The following TMEM132B variants were observed in gnomAD, a reference collection of about 807,000 sequenced individuals.
TMEM132B encodes transmembrane protein 132B.
In TMEM132B, 18 loss-of-function variants were observed where a neutral mutation model predicts 90.8. That is an observed-to-expected ratio of 0.20 (90% CI 0.14 to 0.29). The LOEUF (loss-of-function observed/expected upper bound fraction) is 0.29, where lower values mean the gene tolerates loss of function less well. Among genes scored for constraint, TMEM132B ranks in the 10% least tolerant of loss-of-function variants. TMEM132B has a pLI of 1.00. For missense variants in TMEM132B, 1,096 were observed against 1,326.8 expected, an observed-to-expected ratio of 0.83 and a Z score of 2.70; for synonymous variants, 504 against 523.3, an observed-to-expected ratio of 0.96 and a Z score of 0.50.
chr12:125,376,808 A>C (rs1242433190), intron 2 of TMEM132B, among the ~76,000 whole-genome samples: 1 of 152,232 alleles, frequency 6.6e-6, no homozygotes, highest in African/African-American at 2.4e-5. Context: ...CATGGCACAG[A>C]CTTTGGCACC....
intron 4 of TMEM132B, among the ~76,000 whole-genome samples, chr12:125,576,583 G>T (rs532226896): frequency 9.9e-5 from 15 of 150,960 alleles, no homozygotes; most frequent in Non-Finnish European, 1.6e-4. Flanking sequence ...TTACCACTGT[G>T]ATATTAGCTG....
intron 5 of TMEM132B, among the ~76,000 whole-genome samples, chr12:125,643,020 C>A (rs1886669385): frequency 6.6e-6 from 1 of 152,154 alleles, no homozygotes; most frequent in Non-Finnish European, 1.5e-5. Context: ...GAAGTGGGCA[C>A]TTCTGACATT....
At chr12:125,335,720 C>T (rs1212960881) in intron 1 of TMEM132B, among the ~76,000 whole-genome samples, 2 of 152,164 alleles carry the variant, frequency 1.3e-5, no homozygotes, top group South Asian at 2.1e-4. Context: ...GGCATGGTGG[C>T]TCATGCCTGT....
At chr12:125,544,054 A>G (rs914182842) in intron 4 of TMEM132B, among the ~76,000 whole-genome samples, 1 of 152,234 alleles carries the variant, frequency 6.6e-6, no homozygotes, top group Non-Finnish European at 1.5e-5. Context: ...TTGCAGGGAC[A>G]TGGATGAAGC....
At chr12:125,578,711 G>T (rs182797744) in intron 4 of TMEM132B, among the ~76,000 whole-genome samples, 4 of 152,064 alleles carry the variant, frequency 2.6e-5, no homozygotes, top group Non-Finnish European at 4.4e-5. Context: ...AGGTTTTCTG[G>T]ATATAAAATT....
In TMEM132B at chr12:125,566,985, A is replaced by T. The variant is rs536370714; in HGVS notation, c.1294-16866A>T. Among the ~76,000 whole-genome samples, 3 of 151,828 alleles carry T rather than the reference A, an allele frequency of 2.0e-5. No individual in the cohort carries two copies. The South Asian group carries it at 6.2e-4, about 32-fold the overall frequency. On this transcript the variant is annotated intron_variant, in intron 4 of 8. Coordinates refer to ENST00000682704, the MANE Select transcript of TMEM132B (RefSeq NM_001366854.1). ...CAGCCTCCAGAATAGCTGGGATTAC[A>T]GGTGCCCACCACCACACCGGCTAAT...
intron 3 of TMEM132B, among the ~76,000 whole-genome samples, chr12:125,464,041 C>A (rs1354285417): frequency 6.6e-6 from 1 of 152,178 alleles, no homozygotes; most frequent in African/African-American, 2.4e-5. Flanking sequence ...CCCCATGATT[C>A]AGTCCCCCCT....
chr12:125,281,412 G>A (rs1875170449), intron 1 of TMEM132B, among the ~76,000 whole-genome samples: 1 of 152,174 alleles, frequency 6.6e-6, no homozygotes, highest in East Asian at 1.9e-4. Flanking sequence ...AAAGTGGGAA[G>A]GAGGCCACAG....
chr12:125,659,461 A>T lies in TMEM132B; in HGVS notation c.*4751A>T, dbSNP rs1167466899. The T allele has an allele frequency of 6.6e-6, 1 of 152,286 alleles. No individual in the cohort carries two copies. The highest frequency in any genetic ancestry group is 1.5e-5 in the Non-Finnish European group (1 of 68,154). 9.4% of individuals were successfully genotyped at this position (152,286 alleles called of 1,614,324 possible). ...GCTTTGTACTGGGCCCAGGGTGCTG[A>T]GCTTTCCAGAACAGGCAGAGCTCTA... On this transcript the variant is annotated 3_prime_UTR_variant, in exon 9 of 9. Transcript: ENST00000682704.
At chr12:125,615,304 T>A (rs56848076) in intron 5 of TMEM132B, among the ~76,000 whole-genome samples, 10,049 of 152,094 alleles carry the variant, frequency 0.066, 395 homozygotes, top group East Asian at 0.15. Context: ...CATCATTCCT[T>A]TATAGATATA....
intron 4 of TMEM132B, among the ~76,000 whole-genome samples, chr12:125,520,343 C>T (rs1358403407): frequency 6.6e-6 from 1 of 152,234 alleles, no homozygotes; most frequent in African/African-American, 2.4e-5. Flanking sequence ...CCATTTTCTG[C>T]ACTGCCTTGA....
At chr12:125,397,345 T>C (rs941488554) in intron 2 of TMEM132B, among the ~76,000 whole-genome samples, 2 of 152,212 alleles carry the variant, frequency 1.3e-5, no homozygotes, top group Non-Finnish European at 2.9e-5. Context: ...TAGCAGATAC[T>C]TGGCAAATAG....
intron 2 of TMEM132B, among the ~76,000 whole-genome samples, chr12:125,375,479 G>T (rs1878447424): frequency 6.6e-6 from 1 of 152,216 alleles, no homozygotes; most frequent in Non-Finnish European, 1.5e-5. Context: ...TCATGGAGTG[G>T]AGGAACACCC....
chr12:125,611,327 C>A (rs12318848), intron 5 of TMEM132B, among the ~76,000 whole-genome samples: 24,966 of 151,490 alleles, frequency 0.16, 2,346 homozygotes, highest in African/African-American at 0.22. Context: ...AAAGGTGTAT[C>A]AATTTTGTTG....
intron 3 of TMEM132B, among the ~76,000 whole-genome samples, chr12:125,515,841 C>T (rs1011450157): frequency 2.6e-5 from 4 of 151,984 alleles, no homozygotes; most frequent in Non-Finnish European, 5.9e-5. Flanking sequence ...CTGTCACACA[C>T]ACACCTCCAC....
intron 1 of TMEM132B, among the ~76,000 whole-genome samples, chr12:125,303,491 G>C (rs1875884053): frequency 6.6e-6 from 1 of 152,054 alleles, no homozygotes; most frequent in African/African-American, 2.4e-5. Context: ...AGATCTTTAG[G>C]GTCTATAGCT....
At chr12:125,243,042 C>T (rs976942969) in intron 1 of TMEM132B, among the ~76,000 whole-genome samples, 8 of 124,136 alleles carry the variant, frequency 6.4e-5, no homozygotes, top group African/African-American at 1.2e-4. Flanking sequence ...TACACACACA[C>T]ACACACACAC....
intron 1 of TMEM132B, among the ~76,000 whole-genome samples, chr12:125,298,969 G>A (rs978841897): frequency 6.6e-6 from 1 of 151,898 alleles, no homozygotes; most frequent in Non-Finnish European, 1.5e-5. Context: ...TCCTGACCTC[G>A]TGATCTGCCT....
rs911855470 is a variant in TMEM132B, at chr12:125,277,713, A to C, written c.68-71739A>C. 6.6e-5 allele frequency among the ~76,000 whole-genome samples: 10 copies of C among 152,294 alleles called. No individual in the cohort carries two copies. In the South Asian group the frequency reaches 2.1e-3, roughly 32 times the overall value. On this transcript the variant is annotated intron_variant, in intron 1 of 8. Transcript: ENST00000682704. The surrounding 1 kb of genome is among the most constrained non-coding windows in gnomAD (Gnocchi z 4.3). ...CCTTGGTCTTGGACCTCTGGCCCCC[A>C]GGACTATGAGAGAATAAATTTCTGT...
Sources: gnomAD v4.1 joint callset for allele counts (sites outside exome capture counted in the v4.1 genomes callset) on GRCh38, gnomAD v4.1.1 for gene constraint, Gnocchi (gnomAD v3.1) non-coding constraint, MANE v1.5 for transcripts, NCBI Gene and HGNC (gene_info 2026-07-23, HGNC 2026-07-21) for gene names.